Variants in SMAD6 observed in about 807,000 individuals in gnomAD.
SMAD6 encodes SMAD family member 6.
Under a neutral mutation model 39.4 loss-of-function variants are expected in SMAD6, and 103 were observed. That is an observed-to-expected ratio of 2.62 (90% confidence interval 2.23 to 3.08). The LOEUF (loss-of-function observed/expected upper bound fraction) is 3.08. Ranked by LOEUF, SMAD6 falls within the 30% of genes most tolerant of loss-of-function variation. The probability of loss-of-function intolerance (pLI) is 0.00; values close to 1 mark genes in which losing one functional copy is unlikely to be tolerated. For synonymous variants in SMAD6, 445 were observed against 353.3 expected (o/e 1.26, Z -2.91); for missense variants, 1,104 against 742.9 (o/e 1.49, Z -5.65).
At chr15:66,758,964 T>C (rs1005983747) in intron 3 of SMAD6, among the ~76,000 whole-genome samples, 3 of 152,170 alleles carry the variant, frequency 2.0e-5, no homozygotes, top group Admixed American at 6.5e-5. Context: ...GAGCAAACTT[T>C]TTCTGTAAAA....
chr15:66,715,327 C>T lies in SMAD6; in HGVS notation c.875-1094C>T, dbSNP rs144381303. Among the ~76,000 whole-genome samples, 1,119 of 150,032 alleles carry T rather than the reference C, an allele frequency of 7.5e-3. 2 individuals carry two copies. The highest frequency in any genetic ancestry group is 0.014 in the Middle Eastern group (4 of 284). Reference sequence around the variant, plus strand: ...AAGGCCAAATTGGTTAATGTTTTATCTTCCTGCTCCCCAAGCCATGTGGTA... The same window carrying T: ...AAGGCCAAATTGGTTAATGTTTTATTTTCCTGCTCCCCAAGCCATGTGGTA... On this transcript the variant is annotated intron_variant, in intron 2 of 3. Transcript: ENST00000288840.
At chr15:66,730,605 T>C (rs1055281803) in intron 3 of SMAD6, among the ~76,000 whole-genome samples, 1 of 102,034 alleles carries the variant, frequency 9.8e-6, no homozygotes, top group African/African-American at 3.7e-5. Flanking sequence ...TGTGGAGTCA[T>C]TACCCATGAG....
chr15:66,707,301 T>C, intron 1 of SMAD6: 1 of 152,046 alleles, frequency 6.6e-6, no homozygotes. Context: ...GTAATTATAT[T>C]CAGTAAATTA....
rs1436851649 is a variant in SMAD6 at position 66,704,043 on chromosome 15, A to G, written c.785A>G (p.Asn262Ser). The G allele has an allele frequency of 5.3e-6, 8 of 1,508,704 alleles. No individual in the cohort carries two copies. Among genetic ancestry groups the G allele is most frequent in the Admixed American group, 4.1e-5 (2 of 49,030 alleles). 93.5% of individuals were successfully genotyped at this position (1,508,704 alleles called of 1,614,324 possible). A position where few individuals can be genotyped will look rare whatever the true frequency, so the allele number is the denominator to read the frequency against. The change falls in exon 1 of 4, where the codon AAC becomes AGC. Residue 262 changes from asparagine to serine, a missense_variant. Coordinates refer to ENST00000288840, the MANE Select transcript of SMAD6 (RefSeq NM_005585.5). Reference sequence around the variant, plus strand: ...GCCGACGGCCCTACCGTGTGCTGCAACCCCTACCACTTCAGCCGGCTCTGC... The same window carrying G: ...GCCGACGGCCCTACCGTGTGCTGCAGCCCCTACCACTTCAGCCGGCTCTGC... ...AAADGPTVCC[N>S]PYHFSRLCGP...
intron 3 of SMAD6, among the ~76,000 whole-genome samples, chr15:66,756,872 G>A (rs62005651): frequency 0.043 from 6,539 of 152,322 alleles, 237 homozygotes; most frequent in African/African-American, 0.095. Context: ...TGTTTTGGCT[G>A]TTTCTTCTCC....
At chr15:66,750,775 C>T (rs748730383) in intron 3 of SMAD6, among the ~76,000 whole-genome samples, 7 of 152,166 alleles carry the variant, frequency 4.6e-5, no homozygotes, top group Non-Finnish European at 1.0e-4. Flanking sequence ...ACAGAACTCA[C>T]CCCTGCTATC....
Position 66,703,926 on chromosome 15 carries a change from A to AGCT in SMAD6, c.675_677dup (p.Leu226dup). ...CTGGGCGGCCAGCCCGCGCCGCCGC[A>AGCT]GCTGCTGCTCGGCCGCCTCTTTCGC... On this transcript the variant is annotated inframe_insertion, in exon 1 of 4. Transcript: ENST00000288840. 7.5e-7 allele frequency: 1 copy of AGCT among 1,327,648 alleles called. No individual in the cohort carries two copies. The highest frequency in any genetic ancestry group is 9.6e-7 in the Non-Finnish European group (1 of 1,041,952). 82.2% of individuals were successfully genotyped at this position (1,327,648 alleles called of 1,614,324 possible). A position where few individuals can be genotyped will look rare whatever the true frequency, so the allele number is the denominator to read the frequency against.
chr15:66,780,925 C>T, intron 3 of SMAD6, 72 bp from the exon 4 acceptor site: 1 of 1,429,454 alleles, frequency 7.0e-7, no homozygotes, highest in Non-Finnish European at 9.4e-7. Context: ...ACAGCAGTGC[C>T]CACCTCCGCT....
chr15:66,728,915 T>C lies in SMAD6; in HGVS notation c.952+12417T>C, dbSNP rs995484686. On this transcript the variant is annotated intron_variant, in intron 3 of 3. Transcript: ENST00000288840. Reference sequence around the variant, plus strand: ...TTTTGAGGACACAAGGTCATACTTCTCTTGGGTACATACCTGGGAGTGGAA... The same window carrying C: ...TTTTGAGGACACAAGGTCATACTTCCCTTGGGTACATACCTGGGAGTGGAA... Among the ~76,000 whole-genome samples, 5 of 148,558 alleles carry C rather than the reference T, an allele frequency of 3.4e-5. No individual in the cohort carries two copies. The South Asian group carries it at 1.1e-3, about 32-fold the overall frequency.
intron 1 of SMAD6, chr15:66,704,989 T>C (rs766457412): frequency 5.2e-5 from 8 of 152,388 alleles, no homozygotes; most frequent in Non-Finnish European, 1.2e-4. Context: ...CTCTGTCTTG[T>C]GGGGAACACA....
chr15:66,750,545 T>TA (rs1893985044), intron 3 of SMAD6, among the ~76,000 whole-genome samples: 1 of 152,208 alleles, frequency 6.6e-6, no homozygotes, highest in Non-Finnish European at 1.5e-5. Context: ...GACTTGGCTA[T>TA]GGTATGATTT....
At chr15:66,736,285 G>A (rs1401065228) in intron 3 of SMAD6, among the ~76,000 whole-genome samples, 1 of 152,188 alleles carries the variant, frequency 6.6e-6, no homozygotes, top group African/African-American at 2.4e-5. Context: ...ATGAGTTGTA[G>A]CGTGATGTGT....
chr15:66,735,609 A>G (rs907283274), intron 3 of SMAD6, among the ~76,000 whole-genome samples: 1 of 152,198 alleles, frequency 6.6e-6, no homozygotes, highest in African/African-American at 2.4e-5. Context: ...CTCAGAAGAA[A>G]GGAATGAGGG....
chr15:66,780,738 A>C (rs938926005), intron 3 of SMAD6, among the ~76,000 whole-genome samples: 1 of 152,226 alleles, frequency 6.6e-6, no homozygotes, highest in Non-Finnish European at 1.5e-5. Flanking sequence ...TCTAGCACAC[A>C]ACAGGTGCTC....
chr15:66,769,641 G>C (rs2140668104), intron 3 of SMAD6, among the ~76,000 whole-genome samples: 1 of 152,294 alleles, frequency 6.6e-6, no homozygotes, highest in African/African-American at 2.4e-5. Context: ...GTTCCTGAGA[G>C]CTGAGACAGG....
chr15:66,767,424 A>C (rs1161853347), intron 3 of SMAD6, among the ~76,000 whole-genome samples: 1 of 152,124 alleles, frequency 6.6e-6, no homozygotes, highest in African/African-American at 2.4e-5. Flanking sequence ...TGGGATGGAT[A>C]TACTGGTTAG....
intron 2 of SMAD6, among the ~76,000 whole-genome samples, chr15:66,713,532 C>G (rs1217188214): frequency 6.6e-6 from 1 of 152,216 alleles, no homozygotes; most frequent in South Asian, 2.1e-4. Context: ...ATTGGCCAGG[C>G]TGGTCTCGAT....
chr15:66,777,222 C>T (rs1417672814), intron 3 of SMAD6, among the ~76,000 whole-genome samples: 1 of 152,108 alleles, frequency 6.6e-6, no homozygotes, highest in Non-Finnish European at 1.5e-5. Context: ...GAGTGGGTGG[C>T]TTACCCTCTG....
intron 1 of SMAD6, chr15:66,707,336 AAG>A (rs2140588935): frequency 6.6e-6 from 1 of 151,762 alleles, no homozygotes; most frequent in South Asian, 2.1e-4. Context: ...GCGCCCGGGG[AAG>A]AGAGACAGAG....
Sources: allele counts gnomAD v4.1 joint callset (sites outside exome capture counted in the v4.1 genomes callset), GRCh38; gene constraint gnomAD v4.1.1; transcripts MANE v1.5; gene names NCBI Gene and HGNC (gene_info 2026-07-23, HGNC 2026-07-21).